The following NHSL1 variants were observed in gnomAD, a reference collection of about 807,000 sequenced individuals.
The protein encoded by NHSL1 is NHS like 1.
In NHSL1, 48 loss-of-function variants were observed where a neutral mutation model predicts 95.0. The ratio of observed to expected loss-of-function variants is 0.51; its 90% CI spans 0.40 to 0.64. NHSL1 has a LOEUF of 0.64. NHSL1 is among the 30% of genes least tolerant of loss of function. The pLI, the probability that NHSL1 is intolerant of heterozygous loss-of-function variation, is 0.00. For synonymous variants in NHSL1, 783 were observed against 833.9 expected, an observed-to-expected ratio of 0.94 and a Z score of 1.05; for missense variants, 1,971 against 2,077.7, an observed-to-expected ratio of 0.95 and a Z score of 1.00.
rs866017468 is a variant in NHSL1 at position 138,437,454 on chromosome 6, A to C, written c.665-3774T>G. On this transcript the variant is annotated intron_variant, in intron 5 of 7. Coordinates refer to ENST00000343505, the MANE Select transcript of NHSL1 (RefSeq NM_001144060.2). ...CACACACACACACACACAAAAAAAAAAAAAAAAAATACAATGCACCTAGTC... is the reference window on the plus strand; with the variant it reads ...CACACACACACACACACAAAAAAAACAAAAAAAAATACAATGCACCTAGTC... Among the ~76,000 whole-genome samples the C allele has an allele frequency of 6.7e-4, 94 of 141,098 alleles. 3 individuals carry two copies. Among genetic ancestry groups the C allele is most frequent in the African/African-American group, 2.4e-3 (84 of 35,478 alleles). 92.6% of individuals were successfully genotyped at this position (141,098 alleles called of 152,430 possible).
intron 1 of NHSL1, among the ~76,000 whole-genome samples, chr6:138,541,521 T>G (rs931178627): frequency 1.5e-4 from 23 of 152,222 alleles, no homozygotes; most frequent in African/African-American, 5.5e-4. Flanking sequence ...ACTTCTGTTA[T>G]ACTAATAAGG....
At chr6:138,457,757 T>C (rs1188983867) in intron 3 of NHSL1, among the ~76,000 whole-genome samples, 1 of 152,030 alleles carries the variant, frequency 6.6e-6, no homozygotes, top group African/African-American at 2.4e-5. Flanking sequence ...ATATTTAAAA[T>C]GATCCCCTTT....
chr6:138,518,756 G>A (rs1159727442), intron 1 of NHSL1, among the ~76,000 whole-genome samples: 3 of 152,132 alleles, frequency 2.0e-5, no homozygotes, highest in Non-Finnish European at 4.4e-5. Flanking sequence ...AGTAGCTCAC[G>A]CCTGTAATCC....
At chr6:138,615,588 A>G (rs1426835894) in intron 1 of NHSL1, among the ~76,000 whole-genome samples, 1 of 152,242 alleles carries the variant, frequency 6.6e-6, no homozygotes, top group Non-Finnish European at 1.5e-5. Context: ...CTCCTGCCTC[A>G]GCCTCCTGAG....
At chr6:138,471,109 G>A (rs1778724096) in intron 3 of NHSL1, among the ~76,000 whole-genome samples, 1 of 152,112 alleles carries the variant, frequency 6.6e-6, no homozygotes, top group Non-Finnish European at 1.5e-5. Flanking sequence ...TTGGCCATCG[G>A]GGTCCGTGGC....
In NHSL1 at chr6:138,430,860, C is replaced by T. The variant is rs1475019422; in HGVS notation, c.3485G>A (p.Arg1162His). The T allele has an allele frequency of 1.3e-5, 20 of 1,550,824 alleles. No homozygotes were observed. Among genetic ancestry groups the T allele is most frequent in the African/African-American group, 5.5e-5 (4 of 73,048 alleles). The change falls in exon 6 of 8, where the codon CGC (arginine) becomes CAC (histidine). Residue 1162 changes from arginine to histidine, a missense_variant. Arg to His is a conservative substitution (Grantham distance 29). Transcript: ENST00000343505. This position sits in a 1 kb window ranked among gnomAD's most constrained non-coding sequence, Gnocchi z 4.7. The part of the protein sequence containing the change: ...SAAERGGPVS[R>H]SPGAPSAGEA... ...CCCAGCGCTTGGAGCTCCAGGGCTGCGGCTCACAGGGCCACCACGCTCAGC... is the reference window on the plus strand; with the variant it reads ...CCCAGCGCTTGGAGCTCCAGGGCTGTGGCTCACAGGGCCACCACGCTCAGC...
chr6:138,565,326 T>G (rs945015357), intron 1 of NHSL1, among the ~76,000 whole-genome samples: 3 of 152,240 alleles, frequency 2.0e-5, no homozygotes, highest in African/African-American at 7.2e-5. Flanking sequence ...AGGCTGGTCA[T>G]GAACCCCTGA....
At chr6:138,576,802 C>T (rs1194444802), upstream of NHSL1, among the ~76,000 whole-genome samples, 3 of 152,214 alleles carry the variant, frequency 2.0e-5, no homozygotes, top group Admixed American at 6.5e-5. Context: ...TGGATCTTTA[C>T]ACCATGTTTA....
intron 1 of NHSL1, among the ~76,000 whole-genome samples, chr6:138,610,885 C>T (rs900452378): frequency 1.3e-5 from 2 of 152,034 alleles, no homozygotes; most frequent in Admixed American, 6.6e-5. Flanking sequence ...CAAGACCAGC[C>T]TGACGAACGT....
chr6:138,445,691 C>G (rs768821631), intron 4 of NHSL1, among the ~76,000 whole-genome samples: 3 of 152,196 alleles, frequency 2.0e-5, no homozygotes, highest in Non-Finnish European at 4.4e-5. Flanking sequence ...TAGCCCCTTA[C>G]AAGCTCACCA....
At chr6:138,463,245 A>G (rs1562295569) in intron 3 of NHSL1, among the ~76,000 whole-genome samples, 1 of 152,152 alleles carries the variant, frequency 6.6e-6, no homozygotes, top group Admixed American at 6.5e-5. Context: ...CCTACAGACC[A>G]ATCCCGTTAA....
chr6:138,586,442 T>C (rs760542871), intron 1 of NHSL1, among the ~76,000 whole-genome samples: 2 of 152,050 alleles, frequency 1.3e-5, no homozygotes, highest in Non-Finnish European at 2.9e-5. Context: ...ATTCAGCACA[T>C]AGGGAATTAT....
intron 3 of NHSL1, among the ~76,000 whole-genome samples, chr6:138,458,521 C>T (rs907803105): frequency 8.6e-5 from 13 of 151,862 alleles, no homozygotes; most frequent in Non-Finnish European, 1.6e-4. Flanking sequence ...GGTGAAACCC[C>T]ATCTCTACTA....
At position 138,431,154 on chromosome 6, in the gene NHSL1, G is replaced by A. The variant is rs1036289115; in HGVS notation, c.3191C>T (p.Pro1064Leu). The change falls in exon 6 of 8, where the codon CCC (proline) becomes CTC (leucine). Residue 1064 changes from proline (P) to leucine (L), a missense_variant. Coordinates refer to ENST00000343505, the MANE Select transcript of NHSL1 (RefSeq NM_001144060.2). This position sits in a 1 kb window ranked among gnomAD's most constrained non-coding sequence, Gnocchi z 4.0. ...TGCTTCCGTGGTTATCAGGGGCATG[G>A]GGGGCCTGCTGGTCTCCTCCTTGGT... Reference protein sequence around the residue: ...PSTKEETSRPPMPLITTEALQ... With the variant: ...PSTKEETSRPLMPLITTEALQ... The A allele has an allele frequency of 6.4e-7, 1 of 1,551,354 alleles. No homozygotes were observed. Among genetic ancestry groups the A allele is most frequent in the South Asian group, 1.2e-5 (1 of 84,050 alleles).
intron 1 of NHSL1, among the ~76,000 whole-genome samples, chr6:138,579,374 T>C (rs1323450356): frequency 1.3e-5 from 2 of 152,216 alleles, no homozygotes; most frequent in African/African-American, 4.8e-5. Flanking sequence ...TAGGCCTTTA[T>C]AGCAATCATT....
At chr6:138,485,750 A>G (rs941223277) in intron 2 of NHSL1, among the ~76,000 whole-genome samples, 9 of 152,214 alleles carry the variant, frequency 5.9e-5, no homozygotes, top group Admixed American at 5.9e-4. Flanking sequence ...AGGGCATTTA[A>G]TCCGTGGTTT....
chr6:138,547,584 T>A (rs1219263023), upstream of NHSL1, among the ~76,000 whole-genome samples: 1 of 152,052 alleles, frequency 6.6e-6, no homozygotes, highest in African/African-American at 2.4e-5. Flanking sequence ...AGGGTTTCAC[T>A]ATTTTAGCCA....
chr6:138,598,285 C>A (rs1328891314), intron 1 of NHSL1, among the ~76,000 whole-genome samples: 1 of 151,962 alleles, frequency 6.6e-6, no homozygotes, highest in Non-Finnish European at 1.5e-5. Context: ...ATGGTGAAAC[C>A]CTGTCTCTAC....
chr6:138,515,876 A>C (rs1391569221), intron 1 of NHSL1, among the ~76,000 whole-genome samples: 3 of 152,228 alleles, frequency 2.0e-5, no homozygotes, highest in African/African-American at 7.2e-5. Flanking sequence ...GGCATAAAGA[A>C]GACAGTGAAT....
Sources: allele counts gnomAD v4.1 joint callset (sites outside exome capture counted in the v4.1 genomes callset), GRCh38; gene constraint gnomAD v4.1.1; non-coding constraint Gnocchi (gnomAD v3.1); transcripts MANE v1.5; gene names NCBI Gene and HGNC (gene_info 2026-07-23, HGNC 2026-07-21).